Variants in DNAH1 observed in about 807,000 individuals in gnomAD.
DNAH1 encodes dynein axonemal heavy chain 1, also known as axonemal beta dynein heavy chain 1.
Under a neutral mutation model 484.3 loss-of-function variants are expected in DNAH1, and 327 were observed. That is an observed-to-expected ratio of 0.68 (90% CI 0.62 to 0.74). DNAH1 has a LOEUF of 0.74. Ranked by LOEUF, DNAH1 falls within the 30% of genes least tolerant of loss-of-function variation. DNAH1 has a pLI of 0.00. For synonymous variants in DNAH1, 2,192 were observed against 2,191.9 expected (o/e 1.00, Z 0.00); for missense variants, 5,052 against 5,546.8 (o/e 0.91, Z 2.83).
At position 52,350,520 on chromosome 3, in the gene DNAH1, A is replaced by G. The variant is rs769921333; in HGVS notation, c.2659A>G (p.Lys887Glu). Residue 887 changes from lysine to glutamate, a missense_variant, in exon 16 of 78, where the codon AAG (lysine) becomes GAG (glutamate). This residue lies in a region of DNAH1 where 1,263 missense variants were observed against 1,218.8 expected (regional missense o/e 1.04). Transcript: ENST00000420323. The stretch of plus-strand genomic sequence containing the variant: ...CCTGTCTGTGCAGGAGCGGATTGTG[A>G]AGGTCATGGATGACTACCAGGTCAT... ...RLVGLEERIV[K>E]VMDDYQVMDE... is the part of the protein sequence containing the mutation. 2 of 1,613,760 alleles carry G rather than the reference A, an allele frequency of 1.2e-6. No homozygotes were observed. Among genetic ancestry groups the G allele is most frequent in the Admixed American group, 1.7e-5 (1 of 59,990 alleles).
At chr3:52,339,876 T>C (rs1701872278) in intron 8 of DNAH1, among the ~76,000 whole-genome samples, 1 of 151,884 alleles carries the variant, frequency 6.6e-6, no homozygotes, top group Non-Finnish European at 1.5e-5. Context: ...AAGGTTTTTG[T>C]CCTCTTATCT....
At position 52,355,089 on chromosome 3, in the gene DNAH1, C is replaced by T. The variant is rs1305988490; in HGVS notation, c.3693+34C>T. 6.2e-7 allele frequency: 1 copy of T among 1,600,820 alleles called. No homozygotes were observed. Among genetic ancestry groups the T allele is most frequent in the African/African-American group, 1.3e-5 (1 of 74,812 alleles). Reference sequence around the variant, plus strand: ...TCCCCCCAGTCCTTCCCTCATCGCTCCCCCACTTCAGAGAGCCCGACCCAC... The same window carrying T: ...TCCCCCCAGTCCTTCCCTCATCGCTTCCCCACTTCAGAGAGCCCGACCCAC... On this transcript the variant is annotated intron_variant, in intron 21 of 77. Transcript: ENST00000420323. The surrounding 1 kb of genome is among the most constrained non-coding windows in gnomAD (Gnocchi z 4.5).
At chr3:52,399,868 CT>C in intron 77 of DNAH1, 89 bp downstream of exon 77, 1 of 1,358,542 alleles carries the variant, frequency 7.4e-7, no homozygotes, top group Non-Finnish European at 1.0e-6. Flanking sequence ...TCCAGGTTAG[CT>C]GAACAAGGAA....
In DNAH1 at chr3:52,355,189, C is replaced by A; in HGVS notation, c.3693+134C>A. The A allele has an allele frequency of 1.1e-6, 1 of 870,362 alleles. No individual in the cohort carries two copies. 53.9% of individuals were successfully genotyped at this position (870,362 alleles called of 1,614,324 possible). On this transcript the variant is annotated intron_variant, in intron 21 of 77. Coordinates refer to ENST00000420323, the MANE Select transcript of DNAH1 (RefSeq NM_015512.5). The surrounding 1 kb of genome is among the most constrained non-coding windows in gnomAD (Gnocchi z 4.5). ...GCCCTCATTCACACAGCCCCTGGCT[C>A]TCTGGCAGGCCCCGCCCTACTGCAT...
Position 52,366,508 on chromosome 3 carries a change from G to A in DNAH1, c.5570G>A (p.Gly1857Asp), listed in dbSNP as rs1286037410. The change falls in exon 35 of 78, where the codon GGC (glycine) becomes GAC (aspartate). Residue 1857 changes from glycine (G) to aspartate (D), a missense_variant. Coordinates refer to ENST00000420323, the MANE Select transcript of DNAH1 (RefSeq NM_015512.5). ...TACGAGACCACGGTGGTACGACACG[G>A]CCTCATGCTCGTCGGGCCCACAGGC... ...QLYETTVVRH[G>D]LMLVGPTGSG... The A allele has an allele frequency of 1.2e-6, 2 of 1,602,938 alleles. No homozygotes were observed. The highest frequency in any genetic ancestry group is 1.7e-6 in the Non-Finnish European group (2 of 1,175,140).
rs1297408310 is a variant in DNAH1 at position 52,346,755 on chromosome 3, TTAAC to T, written c.1941_1944del (p.Asn648AlafsTer36). ...GACATGGTCTGGGGTGACGACTTAATTAACAGCCCCTACAGGTGGGGCCCGGCGG... is the reference window on the plus strand; with the variant it reads ...GACATGGTCTGGGGTGACGACTTAATAGCCCCTACAGGTGGGGCCCGGCGG... On this transcript the variant is annotated frameshift_variant, in exon 11 of 78. Transcript: ENST00000420323. LOFTEE classifies it high-confidence loss of function. The T allele has an allele frequency of 6.2e-6, 10 of 1,605,914 alleles. No homozygotes were observed. The highest frequency in any genetic ancestry group is 1.1e-5 in the South Asian group (1 of 90,914).
chr3:52,333,916 A>G (rs4687612), intron 8 of DNAH1, among the ~76,000 whole-genome samples: 18,381 of 152,218 alleles, frequency 0.12, 1,362 homozygotes, highest in South Asian at 0.26. Context: ...AGGCTAAACT[A>G]TGGTGTTCAG....
Position 52,400,431 on chromosome 3 carries a change from T to C in DNAH1, c.12783T>C (p.Cys4261=), listed in dbSNP as rs371846049. 13 of 1,613,906 alleles carry C rather than the reference T, an allele frequency of 8.1e-6. No homozygotes were observed. The highest frequency in any genetic ancestry group is 1.1e-5 in the Non-Finnish European group (13 of 1,179,882). ...HWIKRGVALI[C]ALDY ...TAAAGCGTGGTGTGGCCCTCATCTGTGCCCTGGACTACTAGACTCAGACAG... is the reference window on the plus strand; with the variant it reads ...TAAAGCGTGGTGTGGCCCTCATCTGCGCCCTGGACTACTAGACTCAGACAG... Residue 4261 remains cysteine (C), a synonymous_variant, in exon 78 of 78, where the codon TGT becomes TGC. Transcript: ENST00000420323.
rs774601196 is a variant in DNAH1 at position 52,382,201 on chromosome 3, A to G, written c.7806-119A>G. ...CAGGTTCAGGGCCTGAAGGGTCTGC[A>G]GGTCTGCCCAGGATGGGAGCAGAAT... On this transcript the variant is annotated intron_variant, in intron 49 of 77. Transcript: ENST00000420323. The G allele has an allele frequency of 7.2e-6, 11 of 1,523,966 alleles. No individual in the cohort carries two copies. The Admixed American group carries it at 1.1e-4, about 15-fold the overall frequency. 94.4% of individuals were successfully genotyped at this position (1,523,966 alleles called of 1,614,324 possible).
At chr3:52,398,745 C>CT in intron 75 of DNAH1, 105 bp from the exon 76 acceptor site, 1 of 1,009,020 alleles carries the variant, frequency 9.9e-7, no homozygotes, top group East Asian at 2.7e-5. Context: ...CTCTTAGCCT[C>CT]TATGTTTTGC....
At chr3:52,352,293 C>G (rs1702417825) in intron 17 of DNAH1, among the ~76,000 whole-genome samples, 190 bp downstream of exon 17, 1 of 152,214 alleles carries the variant, frequency 6.6e-6, no homozygotes, top group Non-Finnish European at 1.5e-5. Flanking sequence ...GGGCAGCAAG[C>G]TCCAGAAAGA....
chr3:52,365,280 G>A (rs373430131), intron 34 of DNAH1, among the ~76,000 whole-genome samples: 1 of 152,170 alleles, frequency 6.6e-6, no homozygotes, highest in East Asian at 1.9e-4. Context: ...TGAGAGCCCC[G>A]AGCTCCTCTT....
chr3:52,345,441 C>A, intron 9 of DNAH1, 54 bp from the exon 10 acceptor site: 1 of 1,467,160 alleles, frequency 6.8e-7, no homozygotes, highest in South Asian at 1.2e-5. Flanking sequence ...CTGTCCTGTC[C>A]CCTGGTTTGG....
Position 52,383,886 on chromosome 3 carries a change from G to C in DNAH1, c.8177G>C (p.Arg2726Pro). Residue 2726 changes from arginine (R) to proline (P), a missense_variant, in exon 52 of 78, where the codon CGT (arginine) becomes CCT (proline). By Grantham distance (103) the Arg-to-Pro change is moderately radical. This residue lies in a region of DNAH1 where 2,929 missense variants were observed against 3,409.4 expected (regional missense o/e 0.86). Coordinates refer to ENST00000420323, the MANE Select transcript of DNAH1 (RefSeq NM_015512.5). ...MSPIGEVFRARLRQFPSLVNC... is the reference protein window; with the variant it reads ...MSPIGEVFRAPLRQFPSLVNC... The stretch of plus-strand genomic sequence containing the variant: ...CCCATCGGAGAGGTCTTCCGAGCTC[G>C]TCTGAGGCAGTTTCCCTCCCTGGTC... 6.2e-7 allele frequency: 1 copy of C among 1,606,844 alleles called. No individual in the cohort carries two copies. Among genetic ancestry groups the C allele is most frequent in the Admixed American group, 1.7e-5 (1 of 59,368 alleles).
At position 52,343,304 on chromosome 3, in the gene DNAH1, C is replaced by T. The variant is rs557455757; in HGVS notation, c.1287-1186C>T. ...GAGTGTGTGGGGACCCCTGGGAGGGCGTGGGAGGGAAGGCAAAGAGACTGA... is the reference window on the plus strand; with the variant it reads ...GAGTGTGTGGGGACCCCTGGGAGGGTGTGGGAGGGAAGGCAAAGAGACTGA... On this transcript the variant is annotated intron_variant, in intron 8 of 77. Transcript: ENST00000420323. Among the ~76,000 whole-genome samples the T allele has an allele frequency of 6.8e-4, 103 of 152,112 alleles. 2 individuals carry two copies. The highest frequency in any genetic ancestry group is 2.3e-3 in the African/African-American group (97 of 41,470).
rs1314202513 is a variant in DNAH1 at position 52,344,997 on chromosome 3, C to A, written c.1444+350C>A. ...CCAGTAGCAAGAGAGGAGACCGAGT[C>A]TCAGAGCAGGACCCCGGGGCCCAAG... On this transcript the variant is annotated intron_variant, in intron 9 of 77. Coordinates refer to ENST00000420323, the MANE Select transcript of DNAH1 (RefSeq NM_015512.5). Among the ~76,000 whole-genome samples the A allele has an allele frequency of 2.0e-5, 3 of 152,196 alleles. No homozygotes were observed. In the East Asian group the frequency reaches 5.8e-4, roughly 29 times the overall value.
chr3:52,335,488 T>A (rs1701710271), intron 8 of DNAH1, among the ~76,000 whole-genome samples: 1 of 151,390 alleles, frequency 6.6e-6, no homozygotes, highest in Non-Finnish European at 1.5e-5. Context: ...TTGTATTTCT[T>A]AGTAGAGACG....
chr3:52,383,812 G>A (rs746154791), intron 51 of DNAH1, 48 bp from the exon 52 acceptor site: 1 of 1,534,404 alleles, frequency 6.5e-7, no homozygotes, highest in Non-Finnish European at 8.8e-7. Flanking sequence ...GGCTCCTGGG[G>A]TCGTTGGTCA....
At position 52,336,095 on chromosome 3, in the gene DNAH1, G is replaced by C. The variant is rs151318700; in HGVS notation, c.1286+3701G>C. ...GTTTACTCTGTTGATACTTTCTTTTGCTGTGCAAAAGCTCTTGAATTAGGT... is the reference window on the plus strand; with the variant it reads ...GTTTACTCTGTTGATACTTTCTTTTCCTGTGCAAAAGCTCTTGAATTAGGT... On this transcript the variant is annotated intron_variant, in intron 8 of 77. Transcript: ENST00000420323. 3.9e-3 allele frequency among the ~76,000 whole-genome samples: 595 copies of C among 151,974 alleles called. 5 individuals carry two copies. The highest frequency in any genetic ancestry group is 0.023 in the South Asian group (112 of 4,796).
Sources: gnomAD v4.1 joint callset for allele counts (sites outside exome capture counted in the v4.1 genomes callset) on GRCh38, gnomAD v4.1.1 for gene constraint, gnomAD v4.1.1 regional missense constraint, Gnocchi (gnomAD v3.1) non-coding constraint, MANE v1.5 for transcripts, NCBI Gene and HGNC (gene_info 2026-07-23, HGNC 2026-07-21) for gene names.